Variants in SDK1 observed in about 807,000 individuals in gnomAD.
SDK1 encodes sidekick cell adhesion molecule 1.
Under a neutral mutation model 245.5 loss-of-function variants are expected in SDK1, and 157 were observed. The ratio of observed to expected loss-of-function variants is 0.64; its 90% confidence interval spans 0.56 to 0.73. SDK1 has a LOEUF of 0.73. Ranked by LOEUF, SDK1 falls within the 30% of genes least tolerant of loss-of-function variation. The pLI is 0.00. For synonymous variants in SDK1, 1,647 were observed against 1,278.5 expected (o/e 1.29, Z -6.15); for missense variants, 3,583 against 3,002.3 (o/e 1.19, Z -4.52).
At chr7:3,673,538 C>T (rs772528057) in intron 4 of SDK1, among the ~76,000 whole-genome samples, 6 of 152,186 alleles carry the variant, frequency 3.9e-5, no homozygotes, top group Non-Finnish European at 5.9e-5. Context: ...TAGGCCCCGC[C>T]GGCCTGTTAT....
chr7:3,482,007 G>A (rs971244246), intron 1 of SDK1, among the ~76,000 whole-genome samples: 2 of 148,872 alleles, frequency 1.3e-5, no homozygotes, highest in Non-Finnish European at 3.0e-5. Context: ...TATAATAAGG[G>A]ATTAATAATC....
chr7:3,559,979 A>G (rs757635014), intron 1 of SDK1, among the ~76,000 whole-genome samples: 12 of 152,350 alleles, frequency 7.9e-5, no homozygotes, highest in Non-Finnish European at 1.8e-4. Context: ...ACATGGAAAC[A>G]CTTGTATTGG....
Position 3,951,770 on chromosome 7 carries a change from G to C in SDK1, c.1000G>C (p.Val334Leu), listed in dbSNP as rs766668068. ...GAGTGTGACCTGGAAGAGGAATGGAGTGAGAATCACCAGTGGCCTCCACAG... is the reference window on the plus strand; with the variant it reads ...GAGTGTGACCTGGAAGAGGAATGGACTGAGAATCACCAGTGGCCTCCACAG... ...DLSVTWKRNG[V>L]RITSGLHSFG... The change falls in exon 7 of 45, where the codon GTG becomes CTG. Residue 334 changes from valine (V) to leucine (L), a missense_variant. Physicochemically the swap from Val to Leu is conservative, Grantham distance 32 (BLOSUM62 1). Transcript: ENST00000404826. 2 of 1,613,896 alleles carry C rather than the reference G, an allele frequency of 1.2e-6. No homozygotes were observed. The highest frequency in any genetic ancestry group is 4.5e-5 in the East Asian group (2 of 44,878).
intron 4 of SDK1, among the ~76,000 whole-genome samples, chr7:3,744,106 C>G (rs1357074331): frequency 6.6e-6 from 1 of 152,052 alleles, no homozygotes; most frequent in Non-Finnish European, 1.5e-5. Context: ...CCTCAGGATC[C>G]TTCCGCTTGC....
intron 16 of SDK1, among the ~76,000 whole-genome samples, chr7:4,016,342 G>T (rs894613998): frequency 2.0e-5 from 3 of 152,214 alleles, no homozygotes; most frequent in African/African-American, 7.2e-5. Flanking sequence ...CTCCTACTGG[G>T]CATGCCCCTG....
intron 35 of SDK1, among the ~76,000 whole-genome samples, chr7:4,180,308 C>G (rs915819831): frequency 3.3e-5 from 5 of 150,252 alleles, no homozygotes; most frequent in Non-Finnish European, 5.9e-5. Context: ...GTGCCTGGCT[C>G]CAGCTCTATG....
intron 28 of SDK1, among the ~76,000 whole-genome samples, chr7:4,138,204 G>T (rs582046): frequency 6.6e-6 from 1 of 151,948 alleles, no homozygotes; most frequent in Non-Finnish European, 1.5e-5. Flanking sequence ...TGCATACATT[G>T]TCTCACTGGG....
At chr7:3,765,488 G>A (rs1047408828) in intron 4 of SDK1, among the ~76,000 whole-genome samples, 4 of 152,144 alleles carry the variant, frequency 2.6e-5, no homozygotes, top group Admixed American at 6.5e-5. Context: ...ATTCACCTGC[G>A]CTGTGGTGAA....
chr7:3,688,347 A>G (rs1784350606), intron 4 of SDK1, among the ~76,000 whole-genome samples: 1 of 152,236 alleles, frequency 6.6e-6, no homozygotes, highest in Non-Finnish European at 1.5e-5. Context: ...CGGCTCTACC[A>G]GTTTCTGGTC....
At chr7:3,777,232 G>C (rs1780594144) in intron 4 of SDK1, among the ~76,000 whole-genome samples, 1 of 152,208 alleles carries the variant, frequency 6.6e-6, no homozygotes, top group African/African-American at 2.4e-5. Context: ...CAGAACGCGA[G>C]TTTGATCTTC....
chr7:3,738,426 C>T (rs1348647425), intron 4 of SDK1, among the ~76,000 whole-genome samples: 1 of 152,202 alleles, frequency 6.6e-6, no homozygotes, highest in Non-Finnish European at 1.5e-5. Context: ...TGTGCCACTA[C>T]TATGCTGTTT....
At chr7:3,799,698 C>T (rs1583426161) in intron 4 of SDK1, among the ~76,000 whole-genome samples, 1 of 94,798 alleles carries the variant, frequency 1.1e-5, no homozygotes, top group African/African-American at 3.9e-5. Flanking sequence ...GAGTGAGACT[C>T]CATCTCAAAA....
intron 14 of SDK1, among the ~76,000 whole-genome samples, chr7:3,988,627 C>A (rs1784057462): frequency 6.6e-6 from 1 of 152,196 alleles, no homozygotes; most frequent in Non-Finnish European, 1.5e-5. Context: ...TTTATGTTGA[C>A]TCCCTGAATG....
intron 19 of SDK1, among the ~76,000 whole-genome samples, chr7:4,060,212 T>A (rs1779448689): frequency 1.3e-5 from 2 of 152,066 alleles, no homozygotes; most frequent in Non-Finnish European, 2.9e-5. Flanking sequence ...AAAATTGAAA[T>A]ACGACATACA....
intron 43 of SDK1, among the ~76,000 whole-genome samples, chr7:4,244,975 G>A (rs911357300): frequency 2.0e-5 from 3 of 152,228 alleles, no homozygotes; most frequent in Admixed American, 2.0e-4. Flanking sequence ...AGTCCGCCAA[G>A]ATAGGGTCTC....
At chr7:3,873,361 A>T (rs1781003321) in intron 5 of SDK1, among the ~76,000 whole-genome samples, 1 of 151,980 alleles carries the variant, frequency 6.6e-6, no homozygotes, top group Non-Finnish European at 1.5e-5. Flanking sequence ...TGGCTTCCTT[A>T]AATATTTTTT....
chr7:3,744,845 AAAAG>A (rs1161476210), intron 4 of SDK1, among the ~76,000 whole-genome samples: 9 of 152,128 alleles, frequency 5.9e-5, no homozygotes, highest in African/African-American at 2.2e-4. Flanking sequence ...AACAAAAAGA[AAAAG>A]AAAAACAATT....
chr7:3,607,105 C>G (rs1781449106), intron 1 of SDK1, among the ~76,000 whole-genome samples: 1 of 151,960 alleles, frequency 6.6e-6, no homozygotes, highest in Non-Finnish European at 1.5e-5. Flanking sequence ...TTGTGAAGCC[C>G]CTAAACTGGC....
At chr7:4,183,661 A>T (rs951136840) in intron 35 of SDK1, among the ~76,000 whole-genome samples, 2 of 150,200 alleles carry the variant, frequency 1.3e-5, no homozygotes, top group African/African-American at 4.9e-5. Flanking sequence ...AAAAAAAAAG[A>T]AAGTATGCTT....
Sources: gnomAD v4.1 joint callset for allele counts (sites outside exome capture counted in the v4.1 genomes callset) on GRCh38, gnomAD v4.1.1 for gene constraint, MANE v1.5 for transcripts, NCBI Gene and HGNC (gene_info 2026-07-23, HGNC 2026-07-21) for gene names.